EPB41L1: variants seen among roughly 807,000 people sequenced by gnomAD.
The protein encoded by EPB41L1 is band 4.1-like protein 1.
A neutral mutation model predicts 97.8 loss-of-function variants in EPB41L1; 29 were observed. That is an observed-to-expected ratio of 0.30 (90% CI 0.22 to 0.40). EPB41L1 has a LOEUF of 0.40. EPB41L1 is among the 10% of genes least tolerant of loss of function. The pLI, the probability that EPB41L1 is intolerant of heterozygous loss-of-function variation, is 1.00. For synonymous variants in EPB41L1, 383 were observed against 459.2 expected (o/e 0.83, Z 2.12); for missense variants, 812 against 1,162.3 (o/e 0.70, Z 4.38).
In EPB41L1 at chr20:36,187,745, A is replaced by C; in HGVS notation, c.855A>C (p.Val285=). The C allele has an allele frequency of 6.2e-7, 1 of 1,613,990 alleles. No homozygotes were observed. Among genetic ancestry groups the C allele is most frequent in the Non-Finnish European group, 8.5e-7 (1 of 1,179,960 alleles). The change falls in exon 8 of 22, where the codon GTA becomes GTC. Residue 285 remains valine, a synonymous_variant. Coordinates refer to ENST00000338074, the MANE Select transcript of EPB41L1 (RefSeq NM_012156.2). The part of the protein sequence containing the change: ...ENAKKLSMYG[V]DLHHAKDSEG... Reference sequence around the variant, plus strand: ...CCAAGAAGCTTTCCATGTACGGAGTAGACCTGCACCATGCCAAGGTACCAC... The same window carrying C: ...CCAAGAAGCTTTCCATGTACGGAGTCGACCTGCACCATGCCAAGGTACCAC...
In EPB41L1 at chr20:36,188,641, C is replaced by CACAGAG. The variant is rs1170858082; in HGVS notation, c.1026+143_1026+144insCAGAGA. 20 of 273,776 alleles carry CACAGAG rather than the reference C, an allele frequency of 7.3e-5. No individual in the cohort carries two copies. In the East Asian group the frequency reaches 1.5e-3, roughly 20 times the overall value. The allele number at this position is 273,776 out of a possible 1,614,324, so 17.0% of individuals were successfully genotyped here. ...ACACACACACACACACACACACACA[C>CACAGAG]AGAGAGAGAGAGAGAGAGAGAGAGA... On this transcript the variant is annotated intron_variant, in intron 9 of 21. Coordinates refer to ENST00000338074, the MANE Select transcript of EPB41L1 (RefSeq NM_012156.2).
chr20:36,110,914 G>T (rs2058381043), intron 1 of EPB41L1: 1 of 152,186 alleles, frequency 6.6e-6, no homozygotes, highest in Non-Finnish European at 1.5e-5. Flanking sequence ...CAACCTAGTG[G>T]TTTAGCTGGG....
At chr20:36,161,324 A>G (rs963426662) in intron 1 of EPB41L1, among the ~76,000 whole-genome samples, 5 of 152,194 alleles carry the variant, frequency 3.3e-5, no homozygotes, top group Admixed American at 6.5e-5. Context: ...CAGTTTGTCC[A>G]TCTGTCTGGT....
chr20:36,167,986 G>A (rs1053310852), intron 1 of EPB41L1, among the ~76,000 whole-genome samples: 2 of 152,136 alleles, frequency 1.3e-5, no homozygotes, highest in Non-Finnish European at 2.9e-5. Context: ...TGGTTAGAGG[G>A]CCTGATGTAT....
intron 13 of EPB41L1, chr20:36,197,536 G>A (rs2062267278): frequency 1.5e-6 from 1 of 662,040 alleles, no homozygotes; most frequent in Non-Finnish European, 1.9e-6. Context: ...GCACCACAGG[G>A]AACTCACCCA....
In EPB41L1 at chr20:36,209,879, C is replaced by T. The variant is rs73101499; in HGVS notation, c.2060C>T (p.Pro687Leu). ...DSPDRGACST[P>L]DMPQFEPVKT... ...CCGGATCGAGGGGCCTGCTCCACCC[C>T]GGATATGCCCCAGTTTGAGGTACAG... The change falls in exon 15 of 22, where the codon CCG becomes CTG. Residue 687 changes from proline to leucine, a missense_variant. Coordinates refer to ENST00000338074, the MANE Select transcript of EPB41L1 (RefSeq NM_012156.2). This position sits in a 1 kb window ranked among gnomAD's most constrained non-coding sequence, Gnocchi z 4.2. The T allele has an allele frequency of 0.019, 31,336 of 1,613,316 alleles. 377 individuals carry two copies. The highest frequency in any genetic ancestry group is 0.043 in the Middle Eastern group (262 of 6,058).
At chr20:36,114,513 C>T (rs66697630) in intron 2 of EPB41L1, among the ~76,000 whole-genome samples, 29,478 of 152,040 alleles carry the variant, frequency 0.19, 3,072 homozygotes, top group Middle Eastern at 0.27. Flanking sequence ...ATGGACAGCA[C>T]TGACCTTATC....
intron 14 of EPB41L1, among the ~76,000 whole-genome samples, chr20:36,202,805 C>T (rs1183490260): frequency 3.5e-5 from 5 of 142,746 alleles, no homozygotes; most frequent in East Asian, 4.0e-4. Flanking sequence ...AGCAAAACTC[C>T]GTCTCAAAAA....
At chr20:36,225,857 C>A (rs908056046) in intron 21 of EPB41L1, among the ~76,000 whole-genome samples, 1 of 152,212 alleles carries the variant, frequency 6.6e-6, no homozygotes, top group Non-Finnish European at 1.5e-5. Context: ...GCGATGCAGT[C>A]TTTCACATCT....
chr20:36,103,050 G>C (rs2058067917), intron 1 of EPB41L1, among the ~76,000 whole-genome samples: 1 of 152,164 alleles, frequency 6.6e-6, no homozygotes, highest in Non-Finnish European at 1.5e-5. Context: ...GCTCAGCTCA[G>C]ATGCCAGCCT....
At chr20:36,228,510 G>C (rs1210191959) in intron 21 of EPB41L1, among the ~76,000 whole-genome samples, 6 of 152,204 alleles carry the variant, frequency 3.9e-5, no homozygotes, top group Non-Finnish European at 8.8e-5. Context: ...AGGCTGTAAT[G>C]TGCATTGATT....
In EPB41L1 at chr20:36,185,249, G is replaced by A. The variant is rs2061636346; in HGVS notation, c.699G>A (p.Val233=). The change falls in exon 7 of 22, where the codon GTG becomes GTA. Residue 233 remains valine, a synonymous_variant. Transcript: ENST00000338074. ...ELGDYDAEEH[V]GNYVSELRFA... ...GTGACTATGATGCTGAGGAGCATGT[G>A]GGCAACTATGTCAGCGAGCTCCGCT... 1 of 1,613,858 alleles carries A rather than the reference G, an allele frequency of 6.2e-7. No individual in the cohort carries two copies. Among genetic ancestry groups the A allele is most frequent in the African/African-American group, 1.3e-5 (1 of 74,924 alleles).
At chr20:36,203,047 C>T (rs781551455) in intron 14 of EPB41L1, among the ~76,000 whole-genome samples, 6 of 152,182 alleles carry the variant, frequency 3.9e-5, no homozygotes, top group Non-Finnish European at 8.8e-5. Context: ...CCGACGGTCC[C>T]CTGGCTCCAG....
upstream of EPB41L1, among the ~76,000 whole-genome samples, chr20:36,153,443 A>C (rs572193873): frequency 5.3e-5 from 8 of 152,230 alleles, no homozygotes; most frequent in African/African-American, 1.9e-4. Context: ...AGGGCAGTGG[A>C]TTCTGTGGTA....
intron 2 of EPB41L1, chr20:36,113,884 C>T (rs141429561): frequency 1.3e-5 from 2 of 152,682 alleles, no homozygotes; most frequent in East Asian, 1.9e-4. Context: ...CCTCAAGCTT[C>T]CTGAAGCCTT....
chr20:36,210,178 C>G (rs944807678), intron 15 of EPB41L1, among the ~76,000 whole-genome samples: 2 of 152,206 alleles, frequency 1.3e-5, no homozygotes, highest in African/African-American at 4.8e-5. Context: ...CCATGCCCCC[C>G]CACCTGTGTT....
At chr20:36,211,093 GA>G (rs1414456376) in intron 15 of EPB41L1, among the ~76,000 whole-genome samples, 3 of 148,776 alleles carry the variant, frequency 2.0e-5, no homozygotes, top group South Asian at 2.1e-4. Flanking sequence ...AACAAAACAA[GA>G]AAAAAAAAAT....
At chr20:36,109,897 G>A (rs1309175953) in intron 1 of EPB41L1, 1 of 151,598 alleles carries the variant, frequency 6.6e-6, no homozygotes, top group Non-Finnish European at 1.5e-5. Flanking sequence ...GTAAGCAATG[G>A]TTATTATTAG....
At chr20:36,222,457 G>T in intron 21 of EPB41L1, 63 bp downstream of exon 21, 2 of 1,326,720 alleles carry the variant, frequency 1.5e-6, no homozygotes, top group Non-Finnish European at 2.2e-6. Flanking sequence ...GATCCTCTGA[G>T]GGCCATTTCC....
Sources: gnomAD v4.1 joint callset for allele counts (sites outside exome capture counted in the v4.1 genomes callset) on GRCh38, gnomAD v4.1.1 for gene constraint, Gnocchi (gnomAD v3.1) non-coding constraint, MANE v1.5 for transcripts, NCBI Gene and HGNC (gene_info 2026-07-23, HGNC 2026-07-21) for gene names.